PLD3: variants seen among roughly 807,000 people sequenced by gnomAD.
PLD3 encodes the protein phospholipase D family member 3, also known as 5'-3' exonuclease PLD3.
Under a neutral mutation model 58.4 loss-of-function variants are expected in PLD3, and 31 were observed. That is an observed-to-expected ratio of 0.53 (90% CI 0.40 to 0.72). PLD3 has a LOEUF of 0.72. PLD3 is among the 30% of genes least tolerant of loss of function. The pLI is 0.00. For synonymous variants in PLD3, 264 were observed against 273.4 expected, an observed-to-expected ratio of 0.97 and a Z score of 0.34; for missense variants, 595 against 659.8, an observed-to-expected ratio of 0.90 and a Z score of 1.08.
Position 40,378,224 on chromosome 19 carries a change from G to A in PLD3, c.*51G>A, listed in dbSNP as rs2145711960. On this transcript the variant is annotated 3_prime_UTR_variant, in exon 13 of 13. Transcript: ENST00000409735. Reference sequence around the variant, plus strand: ...GCCTGCTGGGCCCCCGCGGACCCAGGTGCTCTGGGTCACGGTCCCTGTCCC... The same window carrying A: ...GCCTGCTGGGCCCCCGCGGACCCAGATGCTCTGGGTCACGGTCCCTGTCCC... 6.5e-7 allele frequency: 1 copy of A among 1,531,414 alleles called. No homozygotes were observed. The highest frequency in any genetic ancestry group is 9.0e-7 in the Non-Finnish European group (1 of 1,117,112). The allele number at this position is 1,531,414 out of a possible 1,614,324, so 94.9% of individuals were successfully genotyped here.
At chr19:40,377,585 T>G (rs2079265963) in intron 11 of PLD3, among the ~76,000 whole-genome samples, 1 of 151,904 alleles carries the variant, frequency 6.6e-6, no homozygotes, top group South Asian at 2.1e-4. Flanking sequence ...GAACAGTGTT[T>G]TGCAAATGAG....
At chr19:40,369,354 C>T (rs746718143) in intron 6 of PLD3, among the ~76,000 whole-genome samples, 6 of 152,066 alleles carry the variant, frequency 3.9e-5, no homozygotes, top group Non-Finnish European at 8.8e-5. Context: ...ATAGCAAGTC[C>T]CTGTCTCAAC....
At position 40,376,713 on chromosome 19, in the gene PLD3, G is replaced by C; in HGVS notation, c.1124G>C (p.Arg375Pro). The C allele has an allele frequency of 6.2e-7, 1 of 1,603,032 alleles. No homozygotes were observed. Among genetic ancestry groups the C allele is most frequent in the Admixed American group, 1.7e-5 (1 of 60,018 alleles). Residue 375 changes from arginine to proline, a missense_variant, in exon 11 of 13, where the codon CGG becomes CCG. Arg to Pro is a moderately radical substitution (Grantham distance 103). Transcript: ENST00000409735. ...SCWGHSEPSM[R>P]AFLLSLAALR... ...TGGGGACACTCGGAGCCATCCATGCGGGCCTTCCTGCTCTCTCTGGCTGCC... is the reference window on the plus strand; with the variant it reads ...TGGGGACACTCGGAGCCATCCATGCCGGCCTTCCTGCTCTCTCTGGCTGCC...
At chr19:40,365,178 C>T (rs971519582) in intron 1 of PLD3, among the ~76,000 whole-genome samples, 2 of 151,910 alleles carry the variant, frequency 1.3e-5, no homozygotes, top group Admixed American at 1.3e-4. Flanking sequence ...GCCACCCTGC[C>T]GTGAAAAGAG....
rs1394429477 is a variant in PLD3, at chr19:40,376,779, G to A, written c.1185+5G>A. 1.9e-6 allele frequency: 3 copies of A among 1,598,404 alleles called. No individual in the cohort carries two copies. Among genetic ancestry groups the A allele is most frequent in the African/African-American group, 1.3e-5 (1 of 74,918 alleles). ...ACCCACTCTGACATCCAGGTGGTAA[G>A]TACTGCCCCAAGCCACCCCTTGGCC... On this transcript the variant is annotated splice_donor_5th_base_variant and intron_variant, in intron 11 of 12. Transcript: ENST00000409735.
chr19:40,375,669 GAA>G (rs1290128513), intron 10 of PLD3, among the ~76,000 whole-genome samples: 1 of 135,402 alleles, frequency 7.4e-6, no homozygotes, highest in Admixed American at 7.5e-5. Context: ...AAAAAGAAAA[GAA>G]AAAAAAAAAG....
chr19:40,374,695 A>G, intron 10 of PLD3, 75 bp downstream of exon 10: 2 of 1,540,324 alleles, frequency 1.3e-6, no homozygotes, highest in Non-Finnish European at 1.8e-6. Flanking sequence ...GAGACCAGAA[A>G]GCTGGTGGGG....
chr19:40,369,341 A>G (rs1194518545), intron 6 of PLD3, among the ~76,000 whole-genome samples: 2 of 152,122 alleles, frequency 1.3e-5, no homozygotes, highest in African/African-American at 4.8e-5. Context: ...CAGCCTGGGC[A>G]ACATAGCAAG....
intron 1 of PLD3, among the ~76,000 whole-genome samples, chr19:40,354,250 T>C (rs1156351710): frequency 6.6e-6 from 1 of 151,812 alleles, no homozygotes; most frequent in African/African-American, 2.4e-5. Context: ...ATTTTTGTAT[T>C]TTTAGTAGAG....
At chr19:40,374,768 C>G (rs1264835788) in intron 10 of PLD3, 148 bp downstream of exon 10, 3 of 784,942 alleles carry the variant, frequency 3.8e-6, no homozygotes, top group African/African-American at 1.7e-5. Flanking sequence ...AGGAGGTGAC[C>G]GGAAGAAGGT....
In PLD3 at chr19:40,370,167, AG is replaced by A; in HGVS notation, c.609del (p.Lys203AsnfsTer22). On this transcript the variant is annotated frameshift_variant, in exon 8 of 13. Coordinates refer to ENST00000409735, the MANE Select transcript of PLD3 (RefSeq NM_012268.4). LOFTEE classifies it high-confidence loss of function. Reference sequence around the variant, plus strand: ...CTGACCCATGGCGTCCTGCATACCAAGTTCTGGGTGGTGGACCAGACCCACT... The same window carrying A: ...CTGACCCATGGCGTCCTGCATACCAATTCTGGGTGGTGGACCAGACCCACT... ...QKLTHGVLHT[K>X]FWVVDQTHFY... 1.2e-6 allele frequency: 2 copies of A among 1,613,990 alleles called. No homozygotes were observed. The highest frequency in any genetic ancestry group is 1.7e-6 in the Non-Finnish European group (2 of 1,179,984).
chr19:40,377,664 G>A (rs915222933), intron 11 of PLD3, 122 bp from the exon 12 acceptor site: 72 of 721,252 alleles, frequency 1.0e-4, no homozygotes, highest in Non-Finnish European at 1.6e-4. Flanking sequence ...TCTGGCCCCC[G>A]AGGATTCTGT....
intron 1 of PLD3, among the ~76,000 whole-genome samples, chr19:40,351,524 G>A (rs1568644131): frequency 6.6e-6 from 1 of 152,060 alleles, no homozygotes; most frequent in Non-Finnish European, 1.5e-5. Context: ...CAGCCTGGGC[G>A]ACAGCGAGAT....
At chr19:40,368,032 G>A (rs930075621) in intron 6 of PLD3, among the ~76,000 whole-genome samples, 153 bp downstream of exon 6, 12 of 152,170 alleles carry the variant, frequency 7.9e-5, no homozygotes, top group Non-Finnish European at 1.5e-4. Context: ...AGCAGCTGTC[G>A]TCACGTGGCT....
At chr19:40,350,660 C>T (rs890295506) in intron 1 of PLD3, among the ~76,000 whole-genome samples, 4 of 151,310 alleles carry the variant, frequency 2.6e-5, no homozygotes, top group African/African-American at 7.3e-5. Context: ...GAGAGGATTG[C>T]TTGAACCCAG....
At chr19:40,356,664 G>A (rs1464473578) in intron 1 of PLD3, 1 of 152,654 alleles carries the variant, frequency 6.6e-6, no homozygotes. Flanking sequence ...CATAGTAGGT[G>A]TGGGAGTCTG....
At chr19:40,362,579 G>A (rs1305475949) in intron 1 of PLD3, among the ~76,000 whole-genome samples, 2 of 152,066 alleles carry the variant, frequency 1.3e-5, no homozygotes, top group African/African-American at 2.4e-5. Flanking sequence ...GGAACTACAC[G>A]TCCACACCAT....
At chr19:40,376,363 A>AAAATG in intron 10 of PLD3, 1 of 381,852 alleles carries the variant, frequency 2.6e-6, no homozygotes, top group Non-Finnish European at 4.7e-6. Flanking sequence ...CTCAAAAAAA[A>AAAATG]AAAGAAAGAA....
chr19:40,371,725 T>A lies in PLD3; in HGVS notation c.731T>A (p.Leu244Gln). Residue 244 changes from leucine (L) to glutamine (Q), a missense_variant, in exon 9 of 13, where the codon CTG becomes CAG. Transcript: ENST00000409735. Reference protein sequence around the residue: ...MYNCSCLARDLTKIFEAYWFL... With the variant: ...MYNCSCLARDQTKIFEAYWFL... ...AACTGCAGCTGCCTGGCTCGAGACC[T>A]GACCAAGATCTTTGAGGCCTACTGG... 6.2e-7 allele frequency: 1 copy of A among 1,613,956 alleles called. No individual in the cohort carries two copies. The highest frequency in any genetic ancestry group is 2.2e-5 in the East Asian group (1 of 44,878).
Sources: gnomAD v4.1 joint callset for allele counts (sites outside exome capture counted in the v4.1 genomes callset) on GRCh38, gnomAD v4.1.1 for gene constraint, MANE v1.5 for transcripts, NCBI Gene and HGNC (gene_info 2026-07-23, HGNC 2026-07-21) for gene names.